Variants in CERS3 observed in about 807,000 individuals in gnomAD.
CERS3 encodes LAG1 homolog, ceramide synthase 3.
A neutral mutation model predicts 50.3 loss-of-function variants in CERS3; 33 were observed. The ratio of observed to expected loss-of-function variants is 0.66; its 90% confidence interval spans 0.50 to 0.88. The LOEUF is 0.88. Ranked by LOEUF, CERS3 falls within the 40% of genes least tolerant of loss-of-function variation. The pLI, the probability that CERS3 is intolerant of heterozygous loss-of-function variation, is 0.00. For synonymous variants in CERS3, 176 were observed against 155.2 expected (o/e 1.13, Z -0.99); for missense variants, 470 against 460.3 (o/e 1.02, Z -0.19).
intron 3 of CERS3, among the ~76,000 whole-genome samples, chr15:100,494,119 T>C (rs2035733861): frequency 6.6e-6 from 1 of 150,754 alleles, no homozygotes; most frequent in African/African-American, 2.4e-5. Context: ...AGGTGGCAAC[T>C]ATAAAAATCA....
chr15:100,408,864 T>G (rs1416052407), intron 11 of CERS3: 1 of 152,184 alleles, frequency 6.6e-6, no homozygotes, highest in African/African-American at 2.4e-5. Flanking sequence ...CATTTCCTCC[T>G]CACAGCCACA....
At chr15:100,536,709 G>A (rs553825888) in intron 1 of CERS3, among the ~76,000 whole-genome samples, 1 of 152,324 alleles carries the variant, frequency 6.6e-6, no homozygotes, top group South Asian at 2.1e-4. Context: ...TAGTCTGGAA[G>A]ATAGAACTTA....
At chr15:100,415,493 T>G (rs2031828728) in intron 11 of CERS3, among the ~76,000 whole-genome samples, 1 of 152,166 alleles carries the variant, frequency 6.6e-6, no homozygotes, top group South Asian at 2.1e-4. Flanking sequence ...CACATGCACA[T>G]GTATGTTTAT....
chr15:100,482,599 A>C (rs1014440649), intron 5 of CERS3, among the ~76,000 whole-genome samples: 5 of 27,026 alleles, frequency 1.9e-4, no homozygotes, highest in Non-Finnish European at 6.0e-4. Context: ...GTGGAATTTG[A>C]TTTTTTTTTT....
intron 11 of CERS3, among the ~76,000 whole-genome samples, chr15:100,452,043 C>T (rs1341453741): frequency 1.3e-5 from 2 of 152,128 alleles, no homozygotes; most frequent in African/African-American, 4.8e-5. Context: ...CTTCAACACC[C>T]TCCTATCACC....
intron 1 of CERS3, chr15:100,544,401 G>GTC (rs2037294606): frequency 2.3e-5 from 3 of 130,682 alleles, no homozygotes; most frequent in South Asian, 2.2e-4. Flanking sequence ...CCTCCGCGGG[G>GTC]ACACGGGCCC....
intron 2 of CERS3, among the ~76,000 whole-genome samples, chr15:100,509,693 G>A (rs372051818): frequency 4.6e-5 from 7 of 152,290 alleles, no homozygotes; most frequent in African/African-American, 9.6e-5. Context: ...ATAGGTGACC[G>A]GCATTCTCTG....
chr15:100,501,944 A>C, intron 2 of CERS3, 94 bp from the exon 3 acceptor site: 1 of 1,345,840 alleles, frequency 7.4e-7, no homozygotes, highest in Non-Finnish European at 1.0e-6. Context: ...AGATCCAGAG[A>C]GCTTAGAAAA....
intron 11 of CERS3, among the ~76,000 whole-genome samples, chr15:100,405,796 C>T (rs765264790): frequency 2.0e-5 from 3 of 152,130 alleles, no homozygotes; most frequent in Non-Finnish European, 2.9e-5. Context: ...AACTCTACAT[C>T]AACAGAAAAA....
At chr15:100,425,131 G>A in intron 11 of CERS3, among the ~76,000 whole-genome samples, 1 of 152,350 alleles carries the variant, frequency 6.6e-6, no homozygotes, top group East Asian at 1.9e-4. Flanking sequence ...TCTGCCGAAG[G>A]GGTGGAGCAC....
chr15:100,534,516 C>T (rs1363692118), intron 1 of CERS3, among the ~76,000 whole-genome samples: 1 of 150,792 alleles, frequency 6.6e-6, no homozygotes, highest in African/African-American at 2.4e-5. Flanking sequence ...CTTGGGGCCC[C>T]AAAAATCACT....
At chr15:100,418,639 C>G (rs2142081248) in intron 11 of CERS3, among the ~76,000 whole-genome samples, 1 of 136,352 alleles carries the variant, frequency 7.3e-6, no homozygotes, top group African/African-American at 2.7e-5. Flanking sequence ...TCAGATTCAC[C>G]AAAGTTGAAA....
chr15:100,504,540 C>T (rs1283941663), intron 2 of CERS3, among the ~76,000 whole-genome samples: 1 of 152,166 alleles, frequency 6.6e-6, no homozygotes, highest in Non-Finnish European at 1.5e-5. Flanking sequence ...CTGCGCCCAG[C>T]CTCAATGGAC....
At chr15:100,505,592 T>C (rs2036152316) in intron 2 of CERS3, among the ~76,000 whole-genome samples, 2 of 152,360 alleles carry the variant, frequency 1.3e-5, no homozygotes, top group Non-Finnish European at 2.9e-5. Context: ...CTTCACATCA[T>C]ACTCAAAAAT....
At chr15:100,495,183 T>C (rs2035773487) in intron 3 of CERS3, among the ~76,000 whole-genome samples, 1 of 152,222 alleles carries the variant, frequency 6.6e-6, no homozygotes, top group Non-Finnish European at 1.5e-5. Context: ...GAGCTTCTAC[T>C]CTGTTCTGCT....
intron 11 of CERS3, among the ~76,000 whole-genome samples, chr15:100,439,521 T>A (rs2033586008): frequency 6.6e-6 from 1 of 152,262 alleles, no homozygotes; most frequent in Non-Finnish European, 1.5e-5. Flanking sequence ...CACATGAACA[T>A]CTGCAATTTC....
intron 1 of CERS3, among the ~76,000 whole-genome samples, chr15:100,523,545 C>CA (rs1008713417): frequency 3.3e-5 from 5 of 151,554 alleles, no homozygotes; most frequent in Admixed American, 3.3e-4. Flanking sequence ...ACTAAAAATA[C>CA]AAAAAATTAG....
chr15:100,408,821 G>C (rs982958245), intron 11 of CERS3: 1 of 152,160 alleles, frequency 6.6e-6, no homozygotes, highest in African/African-American at 2.4e-5. Flanking sequence ...CTTACCATGT[G>C]GCAGGCTCGG....
intron 4 of CERS3, among the ~76,000 whole-genome samples, chr15:100,487,929 T>C (rs569183523): frequency 3.9e-5 from 6 of 152,312 alleles, no homozygotes; most frequent in Admixed American, 1.3e-4. Flanking sequence ...AGTTCATATA[T>C]ATATAATTAT....
Sources: allele counts gnomAD v4.1 joint callset (sites outside exome capture counted in the v4.1 genomes callset), GRCh38; gene constraint gnomAD v4.1.1; transcripts MANE v1.5; gene names NCBI Gene and HGNC (gene_info 2026-07-23, HGNC 2026-07-21).